Variants in SMAD5 observed in about 807,000 individuals in gnomAD.
The protein encoded by SMAD5 is SMAD family member 5.
In SMAD5, 9 loss-of-function variants were observed where a neutral mutation model predicts 43.1. The observed-to-expected ratio is 0.21, with a 90% CI of 0.13 to 0.36. SMAD5 has a LOEUF of 0.36. SMAD5 is among the 10% of genes least tolerant of loss of function. The pLI is 1.00. For synonymous variants in SMAD5, 190 were observed against 192.4 expected, an observed-to-expected ratio of 0.99 and a Z score of 0.10; for missense variants, 348 against 574.0, an observed-to-expected ratio of 0.61 and a Z score of 4.02.
intron 1 of SMAD5, among the ~76,000 whole-genome samples, chr5:136,146,508 T>C (rs4259168): frequency 0.36 from 54,374 of 151,582 alleles, 10,695 homozygotes; most frequent in African/African-American, 0.53. Flanking sequence ...AGACTCAAAA[T>C]GTTCAGAGGT....
intron 2 of SMAD5, among the ~76,000 whole-genome samples, chr5:136,151,522 G>A (rs1281436036): frequency 6.6e-6 from 1 of 152,094 alleles, no homozygotes; most frequent in Non-Finnish European, 1.5e-5. Context: ...GTTAAGTGTG[G>A]TTAAATGCAA....
chr5:136,136,056 A>G (rs1193264695), intron 1 of SMAD5, among the ~76,000 whole-genome samples: 2 of 152,184 alleles, frequency 1.3e-5, no homozygotes, highest in Non-Finnish European at 2.9e-5. Context: ...TTCTAGAGAA[A>G]AGAATACCTG....
chr5:136,143,883 A>G (rs1010822632), intron 1 of SMAD5, among the ~76,000 whole-genome samples: 6 of 151,948 alleles, frequency 3.9e-5, no homozygotes, highest in East Asian at 1.9e-4. Context: ...GCCATTTGCA[A>G]CACAGTTAAT....
intron 3 of SMAD5, among the ~76,000 whole-genome samples, chr5:136,160,083 C>T (rs1025893069): frequency 2.0e-5 from 3 of 152,094 alleles, no homozygotes; most frequent in Admixed American, 1.3e-4. Flanking sequence ...TTAGAGAAAG[C>T]GAATATTTGA....
At chr5:136,160,829 A>G (rs1466590368) in intron 3 of SMAD5, 27 bp from the exon 4 acceptor site, 2 of 1,609,670 alleles carry the variant, frequency 1.2e-6, no homozygotes, top group Admixed American at 1.7e-5. Flanking sequence ...CATTCCTGAC[A>G]AATGACTTTT....
In SMAD5 at chr5:136,168,104, G is replaced by A. The variant is rs554155866; in HGVS notation, c.776-4330G>A. Among the ~76,000 whole-genome samples the A allele has an allele frequency of 2.0e-5, 3 of 152,138 alleles. No homozygotes were observed. The South Asian group carries it at 6.2e-4, about 31-fold the overall frequency. ...GATCTGCCCACCTTGGCCTCCCAAAGTGCTGGGATTACCGGTGTGAGCCAC... is the reference window on the plus strand; with the variant it reads ...GATCTGCCCACCTTGGCCTCCCAAAATGCTGGGATTACCGGTGTGAGCCAC... On this transcript the variant is annotated intron_variant, in intron 5 of 7. Coordinates refer to ENST00000545279, the MANE Select transcript of SMAD5 (RefSeq NM_005903.7).
chr5:136,158,146 A>T (rs1158380208), intron 3 of SMAD5, among the ~76,000 whole-genome samples: 4 of 152,124 alleles, frequency 2.6e-5, no homozygotes, highest in African/African-American at 9.7e-5. Context: ...CAGAGAGAAA[A>T]TTTTCCAAGA....
chr5:136,168,378 G>A (rs933122637), intron 5 of SMAD5, among the ~76,000 whole-genome samples: 2 of 145,754 alleles, frequency 1.4e-5, no homozygotes, highest in African/African-American at 2.7e-5. Flanking sequence ...TTTACCCAAA[G>A]ATAATGTTCA....
intron 5 of SMAD5, among the ~76,000 whole-genome samples, chr5:136,168,393 GTTGTT>G (rs139178120): frequency 0.36 from 54,346 of 151,526 alleles, 10,653 homozygotes; most frequent in African/African-American, 0.54. Context: ...TGTTCATTTA[GTTGTT>G]TTGTTTTTTT....
chr5:136,160,630 AT>A (rs1355922997), intron 3 of SMAD5, among the ~76,000 whole-genome samples: 14 of 151,502 alleles, frequency 9.2e-5, no homozygotes, highest in African/African-American at 3.4e-4. Flanking sequence ...CTTTCTCTGG[AT>A]TTTCTGTCTT....
chr5:136,137,799 A>C (rs17169875), intron 1 of SMAD5, among the ~76,000 whole-genome samples: 2,012 of 152,328 alleles, frequency 0.013, 44 homozygotes, highest in African/African-American at 0.046. Context: ...AGAGCTGAAA[A>C]GTTACCCAGA....
chr5:136,165,044 T>C (rs747067498), intron 5 of SMAD5, among the ~76,000 whole-genome samples: 4 of 152,236 alleles, frequency 2.6e-5, no homozygotes, highest in Non-Finnish European at 5.9e-5. Context: ...TTCAGGACTC[T>C]GTTGGCTTAC....
rs1269410988 is a variant in SMAD5, at chr5:136,178,616, C to T, written c.*1136C>T. The T allele has an allele frequency of 1.3e-5, 2 of 152,192 alleles. No homozygotes were observed. The highest frequency in any genetic ancestry group is 6.5e-5 in the Admixed American group (1 of 15,284). 9.4% of individuals were successfully genotyped at this position (152,192 alleles called of 1,614,324 possible). ...GAATCATGTAGTTAATCCCATTGCT[C>T]TTACAAGTGTCAGCTTACTTGTATC... On this transcript the variant is annotated 3_prime_UTR_variant, in exon 8 of 8. Coordinates refer to ENST00000545279, the MANE Select transcript of SMAD5 (RefSeq NM_005903.7).
intron 3 of SMAD5, among the ~76,000 whole-genome samples, chr5:136,155,327 G>A (rs1045981623): frequency 1.3e-5 from 2 of 152,040 alleles, no homozygotes; most frequent in African/African-American, 4.8e-5. Flanking sequence ...ATGAGCAAAT[G>A]CTGTTTGCTG....
chr5:136,144,665 T>C (rs1301277800), intron 1 of SMAD5, among the ~76,000 whole-genome samples: 3 of 151,390 alleles, frequency 2.0e-5, no homozygotes, highest in African/African-American at 7.3e-5. Flanking sequence ...TACTTTAGGA[T>C]AGGTATGTTA....
In SMAD5 at chr5:136,163,346, A is replaced by G. The variant is rs1753890120; in HGVS notation, c.730A>G (p.Ser244Gly). The change falls in exon 5 of 8, where the codon AGC becomes GGC. Residue 244 changes from serine to glycine, a missense_variant. By Grantham distance (56) the Ser-to-Gly change is moderately conservative. Coordinates refer to ENST00000545279, the MANE Select transcript of SMAD5 (RefSeq NM_005903.7). ...AGATAATTCCCAGCCTATGGATACA[A>G]GCAATAATATGATTCCTCAGATTAT... ...GQDNSQPMDT[S>G]NNMIPQIMPS... 1 of 1,611,484 alleles carries G rather than the reference A, an allele frequency of 6.2e-7. No individual in the cohort carries two copies.
At chr5:136,171,018 A>G (rs926491564) in intron 5 of SMAD5, among the ~76,000 whole-genome samples, 1 of 152,158 alleles carries the variant, frequency 6.6e-6, no homozygotes, top group Non-Finnish European at 1.5e-5. Flanking sequence ...AAACAAAGAC[A>G]ATTTCCTCCT....
chr5:136,148,263 T>G (rs1403292011), intron 2 of SMAD5, among the ~76,000 whole-genome samples: 1 of 151,508 alleles, frequency 6.6e-6, no homozygotes, highest in Non-Finnish European at 1.5e-5. Context: ...TGTTCTTTTT[T>G]TTGCAAAAAT....
chr5:136,158,638 G>A (rs553137539), intron 3 of SMAD5, among the ~76,000 whole-genome samples: 2 of 152,128 alleles, frequency 1.3e-5, no homozygotes, highest in Non-Finnish European at 2.9e-5. Flanking sequence ...GGTGGCTCAC[G>A]CCTGTAATCC....
Sources: allele counts gnomAD v4.1 joint callset (sites outside exome capture counted in the v4.1 genomes callset), GRCh38; gene constraint gnomAD v4.1.1; transcripts MANE v1.5; gene names NCBI Gene and HGNC (gene_info 2026-07-23, HGNC 2026-07-21).